The following TYW1 variants were observed in gnomAD, a reference collection of about 807,000 sequenced individuals.
TYW1 encodes tRNA-yW synthesizing protein 1 homolog.
TYW1 carries 46 observed loss-of-function variants against 96.2 expected under a neutral mutation model. The ratio of observed to expected loss-of-function variants is 0.48; its 90% CI spans 0.38 to 0.61. The LOEUF is 0.61. Among genes scored for constraint, TYW1 ranks in the 20% least tolerant of loss-of-function variants. The probability of loss-of-function intolerance (pLI) is 0.00; values close to 1 mark genes in which losing one functional copy is unlikely to be tolerated. For missense variants in TYW1, 684 were observed against 909.6 expected, an observed-to-expected ratio of 0.75 and a Z score of 3.19; for synonymous variants, 274 against 323.0, an observed-to-expected ratio of 0.85 and a Z score of 1.63.
At chr7:67,039,350 C>T (rs190752682) in intron 7 of TYW1, among the ~76,000 whole-genome samples, 150 of 151,334 alleles carry the variant, frequency 9.9e-4, no homozygotes, top group Non-Finnish European at 1.7e-3. Context: ...CCCAGCTACT[C>T]GGGAGGCTGA....
At chr7:67,233,471 C>T (rs975826476) in intron 15 of TYW1, among the ~76,000 whole-genome samples, 1 of 134,750 alleles carries the variant, frequency 7.4e-6, no homozygotes, top group Admixed American at 7.5e-5. Flanking sequence ...GCCACAGACC[C>T]TTAGCAGCCT....
At chr7:67,138,249 T>C (rs1453506958) in intron 13 of TYW1, among the ~76,000 whole-genome samples, 1 of 152,168 alleles carries the variant, frequency 6.6e-6, no homozygotes, top group Non-Finnish European at 1.5e-5. Flanking sequence ...GTTTATTCTC[T>C]AGACCAGAAA....
chr7:66,999,264 C>T (rs986286987), intron 3 of TYW1, among the ~76,000 whole-genome samples: 1 of 152,162 alleles, frequency 6.6e-6, no homozygotes, highest in Admixed American at 6.5e-5. Context: ...ATTATCGATG[C>T]CCATGGGTAT....
At chr7:67,003,936 CG>C (rs1793483664) in intron 3 of TYW1, among the ~76,000 whole-genome samples, 1 of 152,070 alleles carries the variant, frequency 6.6e-6, no homozygotes, top group South Asian at 2.1e-4. Context: ...CCCAGCTACA[CG>C]GGAGGCTAAG....
At chr7:67,162,281 TCCA>T (rs1170072835) in intron 13 of TYW1, among the ~76,000 whole-genome samples, 8 of 135,544 alleles carry the variant, frequency 5.9e-5, no homozygotes, top group Non-Finnish European at 1.2e-4. Context: ...ACCACTGCAC[TCCA>T]GCCTGGGTGA....
At chr7:67,056,290 G>A (rs2115595684) in intron 9 of TYW1, among the ~76,000 whole-genome samples, 1 of 152,188 alleles carries the variant, frequency 6.6e-6, no homozygotes, top group South Asian at 2.1e-4. Context: ...TCAGGAGTTC[G>A]AGACCAGCCT....
intron 13 of TYW1, among the ~76,000 whole-genome samples, chr7:67,165,824 G>T (rs1434920951): frequency 6.6e-6 from 1 of 152,170 alleles, no homozygotes; most frequent in Non-Finnish European, 1.5e-5. Context: ...CAGCTGTTTG[G>T]GGGGCTGAGG....
chr7:67,009,509 G>A (rs1341761983), intron 3 of TYW1, 74 bp from the exon 4 acceptor site: 19 of 1,326,424 alleles, frequency 1.4e-5, no homozygotes, highest in Non-Finnish European at 2.0e-5. Context: ...CCACATTCTT[G>A]TGCCAACAGG....
At chr7:67,166,733 T>G (rs1053258467) in intron 13 of TYW1, among the ~76,000 whole-genome samples, 2 of 152,200 alleles carry the variant, frequency 1.3e-5, no homozygotes, top group Non-Finnish European at 2.9e-5. Context: ...TATGTCAATA[T>G]ATGAGTATGC....
intron 13 of TYW1, among the ~76,000 whole-genome samples, chr7:67,130,000 A>G (rs1798015678): frequency 6.6e-6 from 1 of 151,970 alleles, no homozygotes; most frequent in African/African-American, 2.4e-5. Context: ...GAAACTTGAT[A>G]TATGTGCTGT....
At chr7:67,028,737 C>T (rs1794543459) in intron 7 of TYW1, among the ~76,000 whole-genome samples, 1 of 152,154 alleles carries the variant, frequency 6.6e-6, no homozygotes, top group Admixed American at 6.6e-5. Flanking sequence ...ACCAAAATCA[C>T]ATATGCATTT....
intron 11 of TYW1, chr7:67,089,196 C>T (rs1265775827): frequency 2.0e-5 from 15 of 754,926 alleles, no homozygotes; most frequent in Non-Finnish European, 2.9e-5. Context: ...CCACCCCTTT[C>T]CCCCTTATAT....
intron 15 of TYW1, among the ~76,000 whole-genome samples, chr7:67,203,869 C>T (rs1800681257): frequency 6.6e-6 from 1 of 152,116 alleles, no homozygotes; most frequent in Non-Finnish European, 1.5e-5. Flanking sequence ...GTCTTGGTTT[C>T]CTCTCCATTC....
At chr7:67,030,394 C>T (rs1386857328) in intron 7 of TYW1, among the ~76,000 whole-genome samples, 1 of 152,080 alleles carries the variant, frequency 6.6e-6, no homozygotes, top group African/African-American at 2.4e-5. Context: ...CTTTGGGAGG[C>T]TGAGGCAGGC....
chr7:67,190,445 C>T (rs535252093), intron 14 of TYW1, among the ~76,000 whole-genome samples: 6 of 152,202 alleles, frequency 3.9e-5, no homozygotes, highest in South Asian at 2.1e-4. Flanking sequence ...AGAGTTTTGA[C>T]GCTTCTTTAT....
intron 7 of TYW1, among the ~76,000 whole-genome samples, chr7:67,035,660 C>T (rs1794812169): frequency 6.6e-6 from 1 of 151,968 alleles, no homozygotes; most frequent in Non-Finnish European, 1.5e-5. Context: ...CAAGGCAATG[C>T]CTGGGAAGTT....
intron 3 of TYW1, among the ~76,000 whole-genome samples, chr7:67,001,631 A>T (rs532134128): frequency 1.3e-4 from 19 of 151,852 alleles, no homozygotes; most frequent in African/African-American, 4.6e-4. Context: ...CACGGTGGTC[A>T]GACTGTTCTC....
chr7:67,091,223 A>G (rs1249953964), intron 11 of TYW1, among the ~76,000 whole-genome samples: 4 of 151,484 alleles, frequency 2.6e-5, no homozygotes, highest in African/African-American at 4.9e-5. Context: ...ACCATGGAAT[A>G]CTATGCAGCC....
At chr7:67,124,534 A>C (rs1003686416) in intron 13 of TYW1, among the ~76,000 whole-genome samples, 2 of 152,012 alleles carry the variant, frequency 1.3e-5, no homozygotes, top group African/African-American at 2.4e-5. Context: ...CCTGGCCTTC[A>C]ACTATTTATA....
Sources: allele counts gnomAD v4.1 joint callset (sites outside exome capture counted in the v4.1 genomes callset), GRCh38; gene constraint gnomAD v4.1.1; transcripts MANE v1.5; gene names NCBI Gene and HGNC (gene_info 2026-07-23, HGNC 2026-07-21).